The following LUC7L2 variants were observed in gnomAD, a reference collection of about 807,000 sequenced individuals.
LUC7L2 encodes the protein putative RNA-binding protein Luc7-like 2.
In LUC7L2, 25 loss-of-function variants were observed where a neutral mutation model predicts 52.8. The observed-to-expected ratio is 0.47, with a 90% CI of 0.34 to 0.66. The LOEUF (loss-of-function observed/expected upper bound fraction) is 0.66, where lower values mean the gene tolerates loss of function less well. LUC7L2 is among the 30% of genes least tolerant of loss of function. The probability of loss-of-function intolerance (pLI) is 0.01; values close to 1 mark genes in which losing one functional copy is unlikely to be tolerated. For missense variants in LUC7L2, 328 were observed against 497.8 expected, an observed-to-expected ratio of 0.66 and a Z score of 3.25; for synonymous variants, 144 against 160.9, an observed-to-expected ratio of 0.89 and a Z score of 0.80.
intron 2 of LUC7L2, among the ~76,000 whole-genome samples, chr7:139,394,003 G>T (rs1794556632): frequency 6.6e-6 from 1 of 152,114 alleles, no homozygotes; most frequent in Non-Finnish European, 1.5e-5. Context: ...GTCAGGCTAG[G>T]CTATAAACTT....
At chr7:139,389,491 G>T (rs368897107) in intron 2 of LUC7L2, among the ~76,000 whole-genome samples, 4 of 151,796 alleles carry the variant, frequency 2.6e-5, no homozygotes, top group South Asian at 2.1e-4. Flanking sequence ...CTTGAAGCAT[G>T]TGCTCTGGCT....
intron 2 of LUC7L2, among the ~76,000 whole-genome samples, chr7:139,379,875 T>C (rs1316332776): frequency 6.6e-6 from 1 of 152,054 alleles, no homozygotes; most frequent in African/African-American, 2.4e-5. Context: ...CTGGCATAAC[T>C]AATTCTTAAA....
intron 9 of LUC7L2, among the ~76,000 whole-genome samples, chr7:139,421,621 A>G (rs1795908017): frequency 6.6e-6 from 1 of 152,222 alleles, no homozygotes; most frequent in Admixed American, 6.5e-5. Flanking sequence ...ATAATTGAGT[A>G]GTTCTCTTAT....
chr7:139,346,230 A>G (rs1799265645), intron 1 of LUC7L2: 1 of 141,222 alleles, frequency 7.1e-6, no homozygotes, highest in Non-Finnish European at 1.5e-5. Context: ...AACAAGAGCA[A>G]AACTCTGTCT....
intron 1 of LUC7L2, among the ~76,000 whole-genome samples, chr7:139,366,767 T>TTCAGCATCACC (rs1191849714): frequency 2.0e-5 from 3 of 152,200 alleles, no homozygotes; most frequent in Non-Finnish European, 4.4e-5. Context: ...GGAGCAGCAA[T>TTCAGCATCACC]TCAGCATCAC....
At chr7:139,376,567 G>A (rs1585089569) in intron 2 of LUC7L2, among the ~76,000 whole-genome samples, 1 of 152,116 alleles carries the variant, frequency 6.6e-6, no homozygotes, top group Non-Finnish European at 1.5e-5. Flanking sequence ...AAATATATTA[G>A]TAAATACTTA....
chr7:139,363,093 G>A (rs543017231), intron 1 of LUC7L2: 154 of 330,412 alleles, frequency 4.7e-4, no homozygotes, highest in South Asian at 2.2e-3. Flanking sequence ...TGGGCAGGGG[G>A]ACTGCCAGGA....
At chr7:139,362,620 T>C (rs2071903240) in intron 1 of LUC7L2, among the ~76,000 whole-genome samples, 1 of 132,060 alleles carries the variant, frequency 7.6e-6, no homozygotes, top group South Asian at 2.3e-4. Context: ...GGCAACTCTG[T>C]CCTTTTTTTT....
chr7:139,416,894 A>G (rs1473198524), intron 8 of LUC7L2: 1 of 152,280 alleles, frequency 6.6e-6, no homozygotes, highest in African/African-American at 2.4e-5. Flanking sequence ...AAAATGTTCA[A>G]GATATTTAAG....
At chr7:139,382,614 C>T (rs1034116436) in intron 2 of LUC7L2, among the ~76,000 whole-genome samples, 1 of 152,100 alleles carries the variant, frequency 6.6e-6, no homozygotes, top group African/African-American at 2.4e-5. Context: ...GCTGGTCTCA[C>T]ACTCCTGGGC....
chr7:139,420,528 C>T (rs1299824093), intron 9 of LUC7L2, among the ~76,000 whole-genome samples: 1 of 152,136 alleles, frequency 6.6e-6, no homozygotes, highest in African/African-American at 2.4e-5. Flanking sequence ...ATAACTATCT[C>T]ACCTGTCTTT....
At position 139,423,257 on chromosome 7, in the gene LUC7L2, C is replaced by T; in HGVS notation, c.*917C>T. 1 of 398,992 alleles carries T rather than the reference C, an allele frequency of 2.5e-6. No homozygotes were observed. The allele number at this position is 398,992 out of a possible 1,614,324, so 24.7% of individuals were successfully genotyped here. On this transcript the variant is annotated 3_prime_UTR_variant, in exon 10 of 10. Coordinates refer to ENST00000354926, the MANE Select transcript of LUC7L2 (RefSeq NM_016019.5). The stretch of plus-strand genomic sequence containing the variant: ...ACGTCATTAACAGTGCCTTACTGTG[C>T]AAGGCACCAAAGGACATAAATACGT...
chr7:139,357,239 A>G (rs1292050720), upstream of LUC7L2, among the ~76,000 whole-genome samples: 1 of 152,178 alleles, frequency 6.6e-6, no homozygotes, highest in Non-Finnish European at 1.5e-5. Context: ...CATGAAATAG[A>G]TGAGACAAAT....
chr7:139,346,882 CCTCT>C (rs1450474134), intron 1 of LUC7L2, among the ~76,000 whole-genome samples: 2 of 152,174 alleles, frequency 1.3e-5, no homozygotes, highest in Non-Finnish European at 2.9e-5. Flanking sequence ...ATTTGGTATT[CCTCT>C]CTCCTTATTT....
chr7:139,360,879 T>C (rs529088222), intron 1 of LUC7L2, among the ~76,000 whole-genome samples: 1 of 152,352 alleles, frequency 6.6e-6, no homozygotes, highest in South Asian at 2.1e-4. Context: ...CCATGGTTTC[T>C]TAAGTGGGTG....
At chr7:139,372,281 A>T (rs1800492686) in intron 1 of LUC7L2, among the ~76,000 whole-genome samples, 1 of 152,132 alleles carries the variant, frequency 6.6e-6, no homozygotes, top group African/African-American at 2.4e-5. Flanking sequence ...AATTTGGATT[A>T]AAAAATGAAA....
intron 1 of LUC7L2, chr7:139,371,506 A>G (rs553855864): frequency 2.1e-5 from 27 of 1,306,240 alleles, no homozygotes; most frequent in African/African-American, 6.1e-5. Flanking sequence ...ACCTAAATCT[A>G]TGAAAGTTGA....
At chr7:139,418,845 C>T (rs1795747133) in intron 9 of LUC7L2, among the ~76,000 whole-genome samples, 1 of 152,034 alleles carries the variant, frequency 6.6e-6, no homozygotes, top group South Asian at 2.1e-4. Context: ...AGGCTGGGTG[C>T]CATGGCTCAC....
chr7:139,382,183 C>T (rs1241894297), intron 2 of LUC7L2, among the ~76,000 whole-genome samples: 1 of 151,998 alleles, frequency 6.6e-6, no homozygotes, highest in Non-Finnish European at 1.5e-5. Context: ...AGCCACTGCC[C>T]CCAGCTAGTT....
Sources: gnomAD v4.1 joint callset for allele counts (sites outside exome capture counted in the v4.1 genomes callset) on GRCh38, gnomAD v4.1.1 for gene constraint, MANE v1.5 for transcripts, NCBI Gene and HGNC (gene_info 2026-07-23, HGNC 2026-07-21) for gene names.